The following GASK1A variants were observed in gnomAD, a reference collection of about 807,000 sequenced individuals.
The protein encoded by GASK1A is golgi associated kinase 1A, also known as Golgi-associated kinase 1A.
Under a neutral mutation model 41.2 loss-of-function variants are expected in GASK1A, and 40 were observed. The observed-to-expected ratio is 0.97, with a 90% CI of 0.75 to 1.27. The LOEUF (loss-of-function observed/expected upper bound fraction) is 1.27, where lower values mean the gene tolerates loss of function less well. GASK1A is among the 50% of genes most tolerant of loss of function. The pLI is 0.00. For synonymous variants in GASK1A, 316 were observed against 307.1 expected (o/e 1.03, Z -0.30); for missense variants, 678 against 745.1 (o/e 0.91, Z 1.05).
Position 43,017,191 on chromosome 3 carries a change from C to T in GASK1A, c.4-15076C>T, listed in dbSNP as rs115586047. The stretch of plus-strand genomic sequence containing the variant: ...CACAGGAAGGGGCAGTGTTAGGTCA[C>T]AGGAAGGGTAGTGTGAAGTCACAGG... On this transcript the variant is annotated intron_variant, in intron 1 of 4. Coordinates refer to ENST00000430121, the MANE Select transcript of GASK1A (RefSeq NM_001129908.3). 5.4e-3 allele frequency among the ~76,000 whole-genome samples: 797 copies of T among 148,942 alleles called. 5 individuals carry two copies. Among genetic ancestry groups the T allele is most frequent in the African/African-American group, 0.019 (752 of 40,184 alleles).
At chr3:42,996,625 G>A (rs2089370791) in intron 1 of GASK1A, among the ~76,000 whole-genome samples, 1 of 152,244 alleles carries the variant, frequency 6.6e-6, no homozygotes, top group African/African-American at 2.4e-5. Flanking sequence ...AATGCCCACA[G>A]TGGAGTTGGG....
chr3:43,023,450 G>T (rs1384494250), intron 1 of GASK1A, among the ~76,000 whole-genome samples: 1 of 152,140 alleles, frequency 6.6e-6, no homozygotes, highest in Non-Finnish European at 1.5e-5. Flanking sequence ...GGCAGCTACA[G>T]GAAACTAATA....
intron 1 of GASK1A, among the ~76,000 whole-genome samples, chr3:43,028,742 C>G (rs2089559828): frequency 6.6e-6 from 1 of 152,196 alleles, no homozygotes; most frequent in Non-Finnish European, 1.5e-5. Flanking sequence ...TCTAGAGGAC[C>G]ACACAACTTA....
intron 1 of GASK1A, among the ~76,000 whole-genome samples, chr3:43,005,730 A>G (rs2089432648): frequency 6.6e-6 from 1 of 152,244 alleles, no homozygotes; most frequent in Non-Finnish European, 1.5e-5. Context: ...GATCTGCAGT[A>G]AGAATGAATC....
Position 43,056,399 on chromosome 3 carries a change from C to A in GASK1A, c.*13C>A. On this transcript the variant is annotated 3_prime_UTR_variant, in exon 5 of 5. Coordinates refer to ENST00000430121, the MANE Select transcript of GASK1A (RefSeq NM_001129908.3). Reference sequence around the variant, plus strand: ...CGAGGACCCATAAGCCGCACACAGCCCTGAGTCAATGAGCATCCATCCTGA... The same window carrying A: ...CGAGGACCCATAAGCCGCACACAGCACTGAGTCAATGAGCATCCATCCTGA... 1 of 1,514,700 alleles carries A rather than the reference C, an allele frequency of 6.6e-7. No homozygotes were observed. Among genetic ancestry groups the A allele is most frequent in the South Asian group, 1.2e-5 (1 of 80,182 alleles). The allele number at this position is 1,514,700 out of a possible 1,614,324, so 93.8% of individuals were successfully genotyped here. A position where few individuals can be genotyped will look rare whatever the true frequency, so the allele number is the denominator to read the frequency against.
intron 1 of GASK1A, among the ~76,000 whole-genome samples, chr3:43,007,763 A>T (rs1313917380): frequency 6.6e-6 from 1 of 152,250 alleles, no homozygotes; most frequent in African/African-American, 2.4e-5. Context: ...GGAAAGAAAG[A>T]GAATAGCAGG....
Position 43,033,230 on chromosome 3 carries a change from C to G in GASK1A, c.967C>G (p.Pro323Ala). 1 of 1,551,710 alleles carries G rather than the reference C, an allele frequency of 6.4e-7. No individual in the cohort carries two copies. Among genetic ancestry groups the G allele is most frequent in the Non-Finnish European group, 8.7e-7 (1 of 1,146,996 alleles). ...SQGLCGLIKR[P>A]GDLPEVLSFH... ...AGGGCTCTGTGGCCTGATCAAGAGGCCTGGGGACCTGCCTGAGGTCCTGTC... is the reference window on the plus strand; with the variant it reads ...AGGGCTCTGTGGCCTGATCAAGAGGGCTGGGGACCTGCCTGAGGTCCTGTC... Residue 323 changes from proline to alanine, a missense_variant, in exon 2 of 5, where the codon CCT (proline) becomes GCT (alanine). By Grantham distance (27) the Pro-to-Ala change is conservative. Coordinates refer to ENST00000430121, the MANE Select transcript of GASK1A (RefSeq NM_001129908.3).
At chr3:43,039,909 C>T (rs1451555431) in intron 2 of GASK1A, among the ~76,000 whole-genome samples, 1 of 152,162 alleles carries the variant, frequency 6.6e-6, no homozygotes, top group Non-Finnish European at 1.5e-5. Context: ...GAGCTTTTTA[C>T]AGATTAAGGA....
chr3:43,023,775 C>T (rs1253360155), intron 1 of GASK1A, among the ~76,000 whole-genome samples: 1 of 152,186 alleles, frequency 6.6e-6, no homozygotes, highest in Non-Finnish European at 1.5e-5. Context: ...AGAAAAGAGG[C>T]TCAGACCTAC....
intron 2 of GASK1A, chr3:43,037,387 G>T: frequency 1.0e-6 from 1 of 964,288 alleles, no homozygotes; most frequent in Non-Finnish European, 1.7e-6. Context: ...AATGCACTAA[G>T]TACAGACAGC....
At chr3:42,996,888 G>A (rs1447812825) in intron 1 of GASK1A, among the ~76,000 whole-genome samples, 1 of 152,224 alleles carries the variant, frequency 6.6e-6, no homozygotes, top group Non-Finnish European at 1.5e-5. Context: ...CAGGACTTGT[G>A]GTCTCCTTGG....
chr3:43,033,678 A>G (rs2089591682), intron 2 of GASK1A, 125 bp downstream of exon 2: 3 of 843,362 alleles, frequency 3.6e-6, no homozygotes, highest in Non-Finnish European at 5.1e-6. Flanking sequence ...TTTGACCACC[A>G]AGCACCTGCT....
At chr3:43,016,598 C>G (rs1452041595) in intron 1 of GASK1A, among the ~76,000 whole-genome samples, 1 of 151,770 alleles carries the variant, frequency 6.6e-6, no homozygotes, top group Non-Finnish European at 1.5e-5. Flanking sequence ...TGTGTGAGGT[C>G]CCAGGAAGGG....
chr3:43,047,645 C>G (rs1271675022), intron 2 of GASK1A, among the ~76,000 whole-genome samples: 1 of 152,064 alleles, frequency 6.6e-6, no homozygotes, highest in Non-Finnish European at 1.5e-5. Context: ...TCTCTCTCTC[C>G]CCTTCTCTCA....
intron 1 of GASK1A, among the ~76,000 whole-genome samples, chr3:42,994,604 A>C (rs2089359769): frequency 6.6e-6 from 1 of 152,024 alleles, no homozygotes; most frequent in South Asian, 2.1e-4. Flanking sequence ...GACAAGCAGA[A>C]CATTTTCTTT....
Position 42,979,530 on chromosome 3 carries a change from C to T in GASK1A, c.-113C>T, listed in dbSNP as rs893303738. The stretch of plus-strand genomic sequence containing the variant: ...GAAACCCGCCCCAGCCGAGTAGCCG[C>T]GCATCCTGGGAAGCCTGGCGAGCCA... On this transcript the variant is annotated 5_prime_UTR_variant, in exon 1 of 5. Transcript: ENST00000430121. 3 of 1,141,302 alleles carry T rather than the reference C, an allele frequency of 2.6e-6. No homozygotes were observed. Among genetic ancestry groups the T allele is most frequent in the Admixed American group, 4.2e-5 (1 of 23,576 alleles). 70.7% of individuals were successfully genotyped at this position (1,141,302 alleles called of 1,614,324 possible). A position where few individuals can be genotyped will look rare whatever the true frequency, so the allele number is the denominator to read the frequency against.
chr3:43,053,973 C>A (rs990196510), intron 3 of GASK1A: 1 of 391,500 alleles, frequency 2.6e-6, no homozygotes, highest in Non-Finnish European at 4.9e-6. Flanking sequence ...AGTCAACATC[C>A]TCGTTGTGCC....
intron 2 of GASK1A, among the ~76,000 whole-genome samples, chr3:43,045,239 C>T (rs1444129147): frequency 6.6e-6 from 1 of 152,102 alleles, no homozygotes; most frequent in Non-Finnish European, 1.5e-5. Flanking sequence ...GCCCTGGATT[C>T]TATCCAAGCC....
chr3:43,014,601 T>A (rs1322845960), intron 1 of GASK1A, among the ~76,000 whole-genome samples: 1 of 148,054 alleles, frequency 6.8e-6, no homozygotes. Context: ...GGAAGTGGCT[T>A]TGTGAAGTCG....
Sources: gnomAD v4.1 joint callset for allele counts (sites outside exome capture counted in the v4.1 genomes callset) on GRCh38, gnomAD v4.1.1 for gene constraint, MANE v1.5 for transcripts, NCBI Gene and HGNC (gene_info 2026-07-23, HGNC 2026-07-21) for gene names.